Variants in CCDC138 observed in about 807,000 individuals in gnomAD.
The protein encoded by CCDC138 is coiled-coil domain-containing protein 138.
Under a neutral mutation model 82.3 loss-of-function variants are expected in CCDC138, and 66 were observed. That is an observed-to-expected ratio of 0.80 (90% CI 0.66 to 0.98). CCDC138 has a LOEUF of 0.98. CCDC138 is among the 50% of genes least tolerant of loss of function. CCDC138 has a pLI of 0.00. For synonymous variants in CCDC138, 297 were observed against 265.4 expected, an observed-to-expected ratio of 1.12 and a Z score of -1.16; for missense variants, 816 against 758.9, an observed-to-expected ratio of 1.08 and a Z score of -0.88.
At chr2:108,855,774 A>G (rs73952534) in intron 12 of CCDC138, among the ~76,000 whole-genome samples, 3,335 of 152,296 alleles carry the variant, frequency 0.022, 117 homozygotes, top group South Asian at 0.082. Flanking sequence ...AGGGTTTTAA[A>G]TTACTTATTA....
At chr2:108,854,082 T>C (rs977335701) in intron 12 of CCDC138, among the ~76,000 whole-genome samples, 4 of 131,536 alleles carry the variant, frequency 3.0e-5, no homozygotes, top group African/African-American at 1.1e-4. Flanking sequence ...TATAATATAA[T>C]AAATTTATAT....
At chr2:108,867,481 A>G (rs1211518952) in intron 13 of CCDC138, among the ~76,000 whole-genome samples, 1 of 152,218 alleles carries the variant, frequency 6.6e-6, no homozygotes, top group Non-Finnish European at 1.5e-5. Context: ...TTAGTTACGA[A>G]TATGGATTAC....
chr2:108,880,669 C>CA (rs766720605), downstream of CCDC138, among the ~76,000 whole-genome samples: 10 of 152,206 alleles, frequency 6.6e-5, no homozygotes, highest in East Asian at 9.7e-4. Context: ...AATGGAAGAA[C>CA]AAAGCCTGGA....
chr2:108,874,922 A>AT (rs11452939), intron 14 of CCDC138, among the ~76,000 whole-genome samples: 106,594 of 147,276 alleles, frequency 0.72, 40,989 homozygotes, highest in East Asian at 0.95. Flanking sequence ...AATTCATGGG[A>AT]TTTTTTTTTT....
chr2:108,856,821 C>T lies in CCDC138; in HGVS notation c.1544C>T (p.Ser515Phe), dbSNP rs1333632002. Residue 515 changes from serine (S) to phenylalanine (F), a missense_variant, in exon 13 of 15, where the codon TCT becomes TTT. Transcript: ENST00000295124. ...GATTACCTGGCTCAGGCATTTGATTCTCTTTGTTTGGACTTGAAGACAGAA... is the reference window on the plus strand; with the variant it reads ...GATTACCTGGCTCAGGCATTTGATTTTCTTTGTTTGGACTTGAAGACAGAA... ...QADYLAQAFD[S>F]LCLDLKTEEG... The T allele has an allele frequency of 3.1e-6, 5 of 1,612,912 alleles. No homozygotes were observed. The highest frequency in any genetic ancestry group is 4.2e-6 in the Non-Finnish European group (5 of 1,179,644).
chr2:108,788,709 G>C (rs1679376574), intron 2 of CCDC138, 143 bp from the exon 3 acceptor site: 2 of 1,164,050 alleles, frequency 1.7e-6, no homozygotes, highest in African/African-American at 3.1e-5. Context: ...GACAGAGCGA[G>C]ACTCCGTCTC....
At chr2:108,883,755 C>T (rs1180592114) in intron 2 of CCDC138, 3 of 152,250 alleles carry the variant, frequency 2.0e-5, no homozygotes, top group Non-Finnish European at 4.4e-5. Context: ...TCCCCCAGGG[C>T]ACAGTGCTTT....
At chr2:108,820,700 A>AGG (rs1011256050) in intron 10 of CCDC138, among the ~76,000 whole-genome samples, 1 of 36,946 alleles carries the variant, frequency 2.7e-5, no homozygotes, top group African/African-American at 1.9e-4. Context: ...TTCAAAGTGC[A>AGG]AAAAAAAAAA....
At chr2:108,879,740 C>T (rs1020826108), downstream of CCDC138, among the ~76,000 whole-genome samples, 6 of 151,876 alleles carry the variant, frequency 4.0e-5, no homozygotes, top group East Asian at 1.9e-4. Context: ...GTGACTAAGC[C>T]GCTATCATTG....
chr2:108,860,935 C>CTGTTTTTTTTTT (rs1693476519), intron 13 of CCDC138, among the ~76,000 whole-genome samples: 2 of 37,910 alleles, frequency 5.3e-5, no homozygotes, highest in Admixed American at 5.0e-4. Context: ...TGGTCCAGGA[C>CTGTTTTTTTTTT]TTTTTTTTTT....
chr2:108,800,543 G>A (rs1372625435), intron 6 of CCDC138, among the ~76,000 whole-genome samples: 1 of 150,770 alleles, frequency 6.6e-6, no homozygotes, highest in Non-Finnish European at 1.5e-5. Flanking sequence ...GGGATCACAG[G>A]CGTGCCTGGC....
In CCDC138 at chr2:108,856,851, G is replaced by A. The variant is rs1046407856; in HGVS notation, c.1574G>A (p.Gly525Glu). ...SLCLDLKTEE[G>E]KTLFLEYQAV... ...TGTTTGGACTTGAAGACAGAAGAAG[G>A]AAAAACCTTGTTTTTGGAGTATCAG... Residue 525 changes from glycine to glutamate, a missense_variant, in exon 13 of 15, where the codon GGA becomes GAA. Coordinates refer to ENST00000295124, the MANE Select transcript of CCDC138 (RefSeq NM_144978.3). 1.2e-6 allele frequency: 2 copies of A among 1,613,330 alleles called. No homozygotes were observed. The highest frequency in any genetic ancestry group is 1.7e-6 in the Non-Finnish European group (2 of 1,179,688).
intron 11 of CCDC138, among the ~76,000 whole-genome samples, chr2:108,846,271 CAAAT>C (rs763612894): frequency 2.0e-5 from 3 of 152,268 alleles, no homozygotes; most frequent in South Asian, 2.1e-4. Flanking sequence ...TGTACAGTCA[CAAAT>C]AATTTTTTAA....
chr2:108,816,024 T>G lies in CCDC138; in HGVS notation c.1125T>G (p.His375Gln), dbSNP rs1553410822. Residue 375 changes from histidine to glutamine, a missense_variant, in exon 10 of 15, where the codon CAT becomes CAG. His to Gln is a conservative substitution (Grantham distance 24). Transcript: ENST00000295124. The stretch of plus-strand genomic sequence containing the variant: ...ATCATCATCTTAGCAAAGTGAAACA[T>G]GAAGAATCTGGAATGGATGGTAAAA... ...ISDHHLSKVK[H>Q]EESGMDGKKP... 2 of 1,613,806 alleles carry G rather than the reference T, an allele frequency of 1.2e-6. No individual in the cohort carries two copies. Among genetic ancestry groups the G allele is most frequent in the South Asian group, 1.1e-5 (1 of 91,054 alleles).
At chr2:108,879,659 C>T (rs887463270), downstream of CCDC138, among the ~76,000 whole-genome samples, 2 of 151,978 alleles carry the variant, frequency 1.3e-5, no homozygotes, top group Non-Finnish European at 2.9e-5. Flanking sequence ...CTCATAATAA[C>T]TTTGTGAGAT....
chr2:108,805,619 C>G (rs988702287), intron 7 of CCDC138, among the ~76,000 whole-genome samples: 1 of 151,584 alleles, frequency 6.6e-6, no homozygotes. Flanking sequence ...CCCAGCTACT[C>G]GGGAGGCTGA....
At chr2:108,817,872 A>G (rs1364748862) in intron 10 of CCDC138, among the ~76,000 whole-genome samples, 1 of 152,194 alleles carries the variant, frequency 6.6e-6, no homozygotes, top group African/African-American at 2.4e-5. Flanking sequence ...CAGCAATAGG[A>G]CACAAATACA....
chr2:108,872,948 A>T (rs1429003220), intron 13 of CCDC138, among the ~76,000 whole-genome samples: 2 of 152,228 alleles, frequency 1.3e-5, no homozygotes, highest in African/African-American at 4.8e-5. Flanking sequence ...ATGTGAGAGT[A>T]GTCTTTTTTT....
chr2:108,835,488 C>T (rs1053705839), intron 10 of CCDC138, among the ~76,000 whole-genome samples: 9 of 152,084 alleles, frequency 5.9e-5, no homozygotes, highest in Admixed American at 6.5e-5. Context: ...CTGATAACAG[C>T]GATATGATAA....
Sources: gnomAD v4.1 joint callset for allele counts (sites outside exome capture counted in the v4.1 genomes callset) on GRCh38, gnomAD v4.1.1 for gene constraint, MANE v1.5 for transcripts, NCBI Gene and HGNC (gene_info 2026-07-23, HGNC 2026-07-21) for gene names.